The following R3HDML variants were observed in gnomAD, a reference collection of about 807,000 sequenced individuals.
R3HDML encodes the protein R3H domain containing like.
Under a neutral mutation model 24.2 loss-of-function variants are expected in R3HDML, and 21 were observed. The observed-to-expected ratio is 0.87, with a 90% CI of 0.62 to 1.25. The LOEUF is 1.25. Among genes scored for constraint, R3HDML ranks in the 50% most tolerant of loss-of-function variants. The pLI is 0.00. For missense variants in R3HDML, 301 were observed against 340.3 expected, an observed-to-expected ratio of 0.88 and a Z score of 0.91; for synonymous variants, 133 against 131.5, an observed-to-expected ratio of 1.01 and a Z score of -0.08.
intron 4 of R3HDML, among the ~76,000 whole-genome samples, chr20:44,347,304 C>A (rs6031538): frequency 0.1 from 15,276 of 151,722 alleles, 966 homozygotes; most frequent in Middle Eastern, 0.17. Flanking sequence ...CTGCAGCCTC[C>A]AACTCCTGGG....
At chr20:44,344,020 C>T (rs1013045544) in intron 3 of R3HDML, among the ~76,000 whole-genome samples, 17 of 152,076 alleles carry the variant, frequency 1.1e-4, no homozygotes, top group African/African-American at 3.1e-4. Flanking sequence ...AGGTGGCTCA[C>T]GCCTGTAATC....
At chr20:44,348,473 T>TTCC (rs1218904583) in intron 4 of R3HDML, among the ~76,000 whole-genome samples, 3 of 142,068 alleles carry the variant, frequency 2.1e-5, no homozygotes, top group Non-Finnish European at 3.0e-5. Context: ...CCTTTCTCCT[T>TTCC]TTCCCTTTCT....
At chr20:44,349,622 A>T (rs2062802752) in intron 4 of R3HDML, among the ~76,000 whole-genome samples, 2 of 152,164 alleles carry the variant, frequency 1.3e-5, no homozygotes, top group Admixed American at 1.3e-4. Flanking sequence ...ACGTTTGGAG[A>T]AAAAAGATTA....
chr20:44,349,404 C>T (rs181575399), intron 4 of R3HDML, among the ~76,000 whole-genome samples: 1,393 of 123,594 alleles, frequency 0.011, 12 homozygotes, highest in Middle Eastern at 0.02. Context: ...CAGGTATCAC[C>T]ACCACCCACT....
intron 4 of R3HDML, among the ~76,000 whole-genome samples, chr20:44,345,817 CTT>C (rs1281717122): frequency 3.7e-5 from 5 of 136,712 alleles, no homozygotes; most frequent in Non-Finnish European, 5.1e-5. Context: ...TCCATTTTTT[CTT>C]TCTTTCTTTC....
In R3HDML at chr20:44,337,107, G is replaced by A; in HGVS notation, c.-51G>A. On this transcript the variant is annotated 5_prime_UTR_variant, in exon 1 of 5. Transcript: ENST00000217043. This position sits in a 1 kb window ranked among gnomAD's most constrained non-coding sequence, Gnocchi z 4.7. The stretch of plus-strand genomic sequence containing the variant: ...GGTGCTCTCGTGCCTGCCCCTTCCA[G>A]GCAGCCGGCTCTGATTGCACAAGGC... 1 of 1,567,100 alleles carries A rather than the reference G, an allele frequency of 6.4e-7. No homozygotes were observed. The highest frequency in any genetic ancestry group is 8.7e-7 in the Non-Finnish European group (1 of 1,153,064).
chr20:44,341,753 C>A (rs374277829), intron 2 of R3HDML, among the ~76,000 whole-genome samples: 1 of 152,044 alleles, frequency 6.6e-6, no homozygotes, highest in Non-Finnish European at 1.5e-5. Flanking sequence ...AGTGTGGTGG[C>A]GCATGCCTGT....
At chr20:44,346,125 T>C (rs1228075113) in intron 4 of R3HDML, among the ~76,000 whole-genome samples, 1 of 151,432 alleles carries the variant, frequency 6.6e-6, no homozygotes, top group Non-Finnish European at 1.5e-5. Context: ...TGGCCTATTT[T>C]CTCTTCTTTT....
At chr20:44,348,489 CCT>C (rs1568678469) in intron 4 of R3HDML, among the ~76,000 whole-genome samples, 22 of 90,976 alleles carry the variant, frequency 2.4e-4, no homozygotes, top group African/African-American at 1.1e-3. Flanking sequence ...TTTCTCCTTT[CCT>C]TTCCTTTCCT....
Position 44,351,085 on chromosome 20 carries a change from C to G in R3HDML, c.*293C>G, listed in dbSNP as rs200930974. On this transcript the variant is annotated 3_prime_UTR_variant, in exon 5 of 5. Transcript: ENST00000217043. ...AGAACCAAGGCTGGAAGGCATAGAACTGGCACCTTGGGACCAGGCATAATG... is the reference window on the plus strand; with the variant it reads ...AGAACCAAGGCTGGAAGGCATAGAAGTGGCACCTTGGGACCAGGCATAATG... 2.5e-5 allele frequency: 8 copies of G among 324,022 alleles called. No individual in the cohort carries two copies. In the East Asian group the frequency reaches 6.7e-4, roughly 27 times the overall value. 20.1% of individuals were successfully genotyped at this position (324,022 alleles called of 1,614,324 possible).
intron 3 of R3HDML, 121 bp from the exon 4 acceptor site, chr20:44,345,142 C>A: frequency 1.3e-6 from 1 of 780,904 alleles, no homozygotes; most frequent in Non-Finnish European, 2.3e-6. Flanking sequence ...TCCCCCAACA[C>A]CTTGGAACAG....
chr20:44,345,530 A>G lies in R3HDML; in HGVS notation c.629+152A>G, dbSNP rs571692641. The G allele has an allele frequency of 3.5e-4, 210 of 601,582 alleles. 2 individuals are homozygous for G. The South Asian group carries it at 4.3e-3, about 12-fold the overall frequency. 37.3% of individuals were successfully genotyped at this position (601,582 alleles called of 1,614,324 possible). A position where few individuals can be genotyped will look rare whatever the true frequency, so the allele number is the denominator to read the frequency against. On this transcript the variant is annotated intron_variant, in intron 4 of 4. Transcript: ENST00000217043. ...TTTTAAGAGTTTACTAAGGCCGAGC[A>G]TGGTGGCTCACGCCTGAAATCCCAG... is the stretch of plus-strand genomic sequence containing the variant.
chr20:44,349,668 A>G (rs943700344), intron 4 of R3HDML, among the ~76,000 whole-genome samples: 7 of 152,238 alleles, frequency 4.6e-5, no homozygotes, highest in African/African-American at 1.4e-4. Context: ...TTAAGGTGAG[A>G]AAACAAGGCA....
intron 4 of R3HDML, 21 bp from the exon 5 acceptor site, chr20:44,350,639 C>T: frequency 6.2e-7 from 1 of 1,610,180 alleles, no homozygotes; most frequent in Non-Finnish European, 8.5e-7. Context: ...CTCTGTCTCC[C>T]TGGGTCCTTT....
At chr20:44,345,829 C>CTTTCTTTCTTTTTTTTTTTTTTT (rs1428987914) in intron 4 of R3HDML, among the ~76,000 whole-genome samples, 10 of 147,770 alleles carry the variant, frequency 6.8e-5, no homozygotes, top group Non-Finnish European at 1.2e-4. Flanking sequence ...TTCTTTCTTT[C>CTTTCTTTCTTTTTTTTTTTTTTT]TTTTTTTTGA....
In R3HDML at chr20:44,343,253, A is replaced by T. The variant is rs2062776757; in HGVS notation, c.381-124A>T. ...AGGCAGGGCCACTGCCCTCATGCTC[A>T]CAGATAGGAAACTGAGATGGGGGAA... On this transcript the variant is annotated intron_variant, in intron 2 of 4. Coordinates refer to ENST00000217043, the MANE Select transcript of R3HDML (RefSeq NM_178491.4). The T allele has an allele frequency of 1.5e-5, 18 of 1,239,982 alleles. No individual in the cohort carries two copies. The East Asian group carries it at 4.1e-4, about 28-fold the overall frequency. The allele number at this position is 1,239,982 out of a possible 1,614,324, so 76.8% of individuals were successfully genotyped here.
Position 44,350,930 on chromosome 20 carries a change from T to C in R3HDML, c.*138T>C, listed in dbSNP as rs2146118090. ...CCCCTGTTGAATTTTCCCTCCTAGA[T>C]CCCCTTCTTAAATGTCCAACATGGG... On this transcript the variant is annotated 3_prime_UTR_variant, in exon 5 of 5. Coordinates refer to ENST00000217043, the MANE Select transcript of R3HDML (RefSeq NM_178491.4). The C allele has an allele frequency of 1.0e-6, 1 of 974,542 alleles. No individual in the cohort carries two copies. Among genetic ancestry groups the C allele is most frequent in the African/African-American group, 1.7e-5 (1 of 60,008 alleles). The allele number at this position is 974,542 out of a possible 1,614,324, so 60.4% of individuals were successfully genotyped here.
At chr20:44,340,555 G>A (rs1196439169) in intron 1 of R3HDML, among the ~76,000 whole-genome samples, 1 of 152,246 alleles carries the variant, frequency 6.6e-6, no homozygotes, top group Non-Finnish European at 1.5e-5. Context: ...AGCACTTTGG[G>A]ATGCTGAGGC....
At position 44,337,054 on chromosome 20, in the gene R3HDML, C is replaced by T. The variant is rs2062759053; in HGVS notation, c.-104C>T. ...TCCCAGGAGGCAGCATCCTCTGGGT[C>T]GGCACTGTTGGAGAACGCTCAGGGT... is the stretch of plus-strand genomic sequence containing the variant. On this transcript the variant is annotated 5_prime_UTR_variant, in exon 1 of 5. Coordinates refer to ENST00000217043, the MANE Select transcript of R3HDML (RefSeq NM_178491.4). This position sits in a 1 kb window ranked among gnomAD's most constrained non-coding sequence, Gnocchi z 4.7. The T allele has an allele frequency of 5.0e-6, 7 of 1,405,300 alleles. No individual in the cohort carries two copies. Among genetic ancestry groups the T allele is most frequent in the East Asian group, 2.3e-5 (1 of 43,190 alleles). 87.1% of individuals were successfully genotyped at this position (1,405,300 alleles called of 1,614,324 possible).
Sources: allele counts gnomAD v4.1 joint callset (sites outside exome capture counted in the v4.1 genomes callset), GRCh38; gene constraint gnomAD v4.1.1; non-coding constraint Gnocchi (gnomAD v3.1); transcripts MANE v1.5; gene names NCBI Gene and HGNC (gene_info 2026-07-23, HGNC 2026-07-21).